PDLIM3: variants seen among roughly 807,000 people sequenced by gnomAD.
PDLIM3 encodes PDZ and LIM domain 3.
A neutral mutation model predicts 37.3 loss-of-function variants in PDLIM3; 36 were observed. The ratio of observed to expected loss-of-function variants is 0.97; its 90% CI spans 0.74 to 1.28. PDLIM3 has a LOEUF of 1.28. PDLIM3 is among the 50% of genes most tolerant of loss of function. The probability of loss-of-function intolerance (pLI) is 0.00; values close to 1 mark genes in which losing one functional copy is unlikely to be tolerated. For synonymous variants in PDLIM3, 174 were observed against 182.4 expected (o/e 0.95, Z 0.37); for missense variants, 454 against 485.0 (o/e 0.94, Z 0.60).
At chr4:185,525,227 T>C in intron 1 of PDLIM3, 56 bp from the exon 2 acceptor site, 2 of 1,554,710 alleles carry the variant, frequency 1.3e-6, no homozygotes, top group South Asian at 1.1e-5. Context: ...TCTTGAGTTT[T>C]GTGCCTGACA....
chr4:185,521,637 T>C lies in PDLIM3; in HGVS notation c.330+1725A>G. Among the ~76,000 whole-genome samples the C allele has an allele frequency of 3.1e-5, 2 of 65,330 alleles. 1 individual carries two copies. Among genetic ancestry groups the C allele is most frequent in the Non-Finnish European group, 1.3e-4 (2 of 15,834 alleles). The allele number at this position is 65,330 out of a possible 152,430, so 42.9% of individuals were successfully genotyped here. A position where few individuals can be genotyped will look rare whatever the true frequency, so the allele number is the denominator to read the frequency against. ...GTCTCAAACTCCAGGGCTCAAGCAA[T>C]CTTTTTGCCTCTGCCTCCCAAAGGA... On this transcript the variant is annotated intron_variant, in intron 3 of 7. Transcript: ENST00000284767.
At chr4:185,530,807 C>T (rs1159094316) in intron 1 of PDLIM3, among the ~76,000 whole-genome samples, 3 of 152,236 alleles carry the variant, frequency 2.0e-5, no homozygotes, top group Non-Finnish European at 1.5e-5. Flanking sequence ...GCACTCTTCA[C>T]CTGTAAATCA....
Position 185,514,345 on chromosome 4 carries a change from A to C in PDLIM3, c.331-8T>G. On this transcript the variant is annotated splice_region_variant and splice_polypyrimidine_tract_variant and intron_variant, in intron 3 of 7. Transcript: ENST00000284767. The surrounding 1 kb of genome is among the most constrained non-coding windows in gnomAD (Gnocchi z 4.0). ...TTCAAAGTAGTTCCCGTCCTGTGAA[A>C]ACAAAGCGTTAAAAAGGCCCTCAGT... 1 of 1,614,212 alleles carries C rather than the reference A, an allele frequency of 6.2e-7. No individual in the cohort carries two copies. Among genetic ancestry groups the C allele is most frequent in the Non-Finnish European group, 8.5e-7 (1 of 1,180,044 alleles).
At chr4:185,512,638 A>G in intron 4 of PDLIM3, 2 of 979,390 alleles carry the variant, frequency 2.0e-6, no homozygotes, top group Non-Finnish European at 2.4e-6. Flanking sequence ...TAGTAAAGGC[A>G]GGATATGTGT....
intron 4 of PDLIM3, chr4:185,513,628 G>T (rs910470844): frequency 1.7e-5 from 17 of 987,536 alleles, no homozygotes; most frequent in East Asian, 1.1e-4. Context: ...TGTTCCTGTC[G>T]GAATCAATCC....
intron 1 of PDLIM3, among the ~76,000 whole-genome samples, chr4:185,534,296 G>T (rs182818233): frequency 8.6e-4 from 131 of 152,240 alleles, no homozygotes; most frequent in Non-Finnish European, 1.5e-3. Flanking sequence ...AGATCAATCA[G>T]ATTATAACAC....
chr4:185,530,079 T>A (rs1428515664), intron 1 of PDLIM3, among the ~76,000 whole-genome samples: 3 of 152,222 alleles, frequency 2.0e-5, no homozygotes, highest in African/African-American at 7.2e-5. Flanking sequence ...AAGCCACAGT[T>A]ATATGCCCAC....
At chr4:185,527,994 C>A (rs992827946) in intron 1 of PDLIM3, among the ~76,000 whole-genome samples, 1 of 152,104 alleles carries the variant, frequency 6.6e-6, no homozygotes, top group Admixed American at 6.6e-5. Context: ...TTTGAGGCCA[C>A]AGAGAGCTAT....
At chr4:185,530,874 G>A (rs1453378008) in intron 1 of PDLIM3, among the ~76,000 whole-genome samples, 1 of 151,752 alleles carries the variant, frequency 6.6e-6, no homozygotes, top group Non-Finnish European at 1.5e-5. Context: ...TTGGGTTCAA[G>A]CAACCCTTAT....
In PDLIM3 at chr4:185,523,550, C is replaced by A. The variant is rs4861669; in HGVS notation, c.246-104G>T. The A allele has an allele frequency of 9.8e-6, 7 of 715,902 alleles. No individual in the cohort carries two copies. In the Admixed American group the frequency reaches 1.2e-4, roughly 13 times the overall value. The allele number at this position is 715,902 out of a possible 1,614,324, so 44.3% of individuals were successfully genotyped here. A position where few individuals can be genotyped will look rare whatever the true frequency, so the allele number is the denominator to read the frequency against. On this transcript the variant is annotated intron_variant, in intron 2 of 7. Transcript: ENST00000284767. ...TTTGTGAAAATACTAGCAAACCTCA[C>A]TAACTTATGCAAAAACAATTTTTTT...
rs761449278 is a variant in PDLIM3, at chr4:185,502,266, C to T, written c.*28G>A. 9 of 1,590,912 alleles carry T rather than the reference C, an allele frequency of 5.7e-6. No individual in the cohort carries two copies. Among genetic ancestry groups the T allele is most frequent in the African/African-American group, 2.7e-5 (2 of 74,156 alleles). ...TCGTGTAAGTGCGCGTGGGTGGGTG[C>T]GTGCGTGCGTGCCACGCCTGCAGAG... On this transcript the variant is annotated 3_prime_UTR_variant, in exon 8 of 8. Coordinates refer to ENST00000284767, the MANE Select transcript of PDLIM3 (RefSeq NM_014476.6).
At chr4:185,506,944 G>T (rs2095698562) in intron 5 of PDLIM3, 1 of 355,856 alleles carries the variant, frequency 2.8e-6, no homozygotes, top group Admixed American at 3.9e-5. Flanking sequence ...TAATTAAGAA[G>T]AACAAGACTT....
Position 185,514,660 on chromosome 4 carries a change from C to T in PDLIM3, c.331-323G>A. 2 of 1,489,938 alleles carry T rather than the reference C, an allele frequency of 1.3e-6. No individual in the cohort carries two copies. The highest frequency in any genetic ancestry group is 1.8e-6 in the Non-Finnish European group (2 of 1,111,388). 92.3% of individuals were successfully genotyped at this position (1,489,938 alleles called of 1,614,324 possible). A position where few individuals can be genotyped will look rare whatever the true frequency, so the allele number is the denominator to read the frequency against. ...TTGAAAAGAAAAGAAACCATGCTATCACTGTTAGGTACACTGTGGCCAGAA... is the reference window on the plus strand; with the variant it reads ...TTGAAAAGAAAAGAAACCATGCTATTACTGTTAGGTACACTGTGGCCAGAA... On this transcript the variant is annotated intron_variant, in intron 3 of 7. Transcript: ENST00000284767. This position sits in a 1 kb window ranked among gnomAD's most constrained non-coding sequence, Gnocchi z 4.0.
intron 3 of PDLIM3, among the ~76,000 whole-genome samples, chr4:185,519,938 C>T (rs1034550379): frequency 1.4e-4 from 22 of 152,134 alleles, no homozygotes; most frequent in Admixed American, 5.2e-4. Flanking sequence ...CTAACTGACA[C>T]GTATTTGCTG....
intron 6 of PDLIM3, 51 bp downstream of exon 6, chr4:185,506,471 C>T (rs774584531): frequency 1.2e-6 from 2 of 1,610,548 alleles, no homozygotes; most frequent in South Asian, 2.2e-5. Context: ...CGTCCCGCCC[C>T]CTGCAGTGGC....
In PDLIM3 at chr4:185,508,525, C is replaced by G. The variant is rs1477986709; in HGVS notation, c.436G>C (p.Gly146Arg). 6.2e-7 allele frequency: 1 copy of G among 1,614,066 alleles called. No individual in the cohort carries two copies. Among genetic ancestry groups the G allele is most frequent in the East Asian group, 2.2e-5 (1 of 44,888 alleles). ...CTGACAGAAGAAGGGGTGCTGCGTC[C>G]ACTGCCACAGTCAATCCCGGAGGGA... ...STPSGIDCGS[G>R]RSTPSSVSTV... The change falls in exon 5 of 8, where the codon GGA becomes CGA. Residue 146 changes from glycine to arginine, a missense_variant. Transcript: ENST00000284767.
At position 185,514,412 on chromosome 4, in the gene PDLIM3, G is replaced by C; in HGVS notation, c.331-75C>G. On this transcript the variant is annotated intron_variant, in intron 3 of 7. Transcript: ENST00000284767. The surrounding 1 kb of genome is among the most constrained non-coding windows in gnomAD (Gnocchi z 4.0). ...TGCAGATAAGATTAAACGAACGATA[G>C]TTGTACAGGGAGGATCATTTACCAC... 6.2e-7 allele frequency: 1 copy of C among 1,613,644 alleles called. No homozygotes were observed.
chr4:185,513,605 A>G (rs2095710147), intron 4 of PDLIM3: 1 of 986,484 alleles, frequency 1.0e-6, no homozygotes, highest in East Asian at 1.1e-4. Context: ...CAGCTGCGGT[A>G]AATCATATTC....
Position 185,514,581 on chromosome 4 carries a change from G to C in PDLIM3, c.331-244C>G. 2.4e-6 allele frequency: 3 copies of C among 1,261,134 alleles called. No homozygotes were observed. Among genetic ancestry groups the C allele is most frequent in the Middle Eastern group, 4.7e-4 (2 of 4,270 alleles). 78.1% of individuals were successfully genotyped at this position (1,261,134 alleles called of 1,614,324 possible). On this transcript the variant is annotated intron_variant, in intron 3 of 7. Transcript: ENST00000284767. The surrounding 1 kb of genome is among the most constrained non-coding windows in gnomAD (Gnocchi z 4.0). The stretch of plus-strand genomic sequence containing the variant: ...GTTTTAGATGCTTGTCTTTAAAAGA[G>C]AAATCTGATAGTGCCTTCAGGAAAG...
Sources: gnomAD v4.1 joint callset for allele counts (sites outside exome capture counted in the v4.1 genomes callset) on GRCh38, gnomAD v4.1.1 for gene constraint, Gnocchi (gnomAD v3.1) non-coding constraint, MANE v1.5 for transcripts, NCBI Gene and HGNC (gene_info 2026-07-23, HGNC 2026-07-21) for gene names.